HMGN1: variants seen among roughly 807,000 people sequenced by gnomAD.
HMGN1 encodes the protein non-histone chromosomal protein HMG-14.
Under a neutral mutation model 18.4 loss-of-function variants are expected in HMGN1, and 9 were observed. The observed-to-expected ratio is 0.49, with a 90% CI of 0.29 to 0.85. The LOEUF (loss-of-function observed/expected upper bound fraction) is 0.85, where lower values mean the gene tolerates loss of function less well. Among genes scored for constraint, HMGN1 ranks in the 40% least tolerant of loss-of-function variants. The pLI is 0.07. For synonymous variants in HMGN1, 59 were observed against 45.0 expected, an observed-to-expected ratio of 1.31 and a Z score of -1.24; for missense variants, 151 against 119.2, an observed-to-expected ratio of 1.27 and a Z score of -1.24.
At chr21:39,343,510 G>T (rs976937584) in intron 5 of HMGN1, among the ~76,000 whole-genome samples, 5 of 152,172 alleles carry the variant, frequency 3.3e-5, no homozygotes, top group Non-Finnish European at 7.3e-5. Flanking sequence ...TTTTACTGAT[G>T]ATTTTGTTGT....
At position 39,348,657 on chromosome 21, in the gene HMGN1, C is replaced by A. The variant is rs541496333; in HGVS notation, c.16-80G>T. Reference sequence around the variant, plus strand: ...GCCCGCCCGGCCCCGAGAACAATGCCCGGCCGCGTGACGTCACGGCTTCCC... The same window carrying A: ...GCCCGCCCGGCCCCGAGAACAATGCACGGCCGCGTGACGTCACGGCTTCCC... On this transcript the variant is annotated intron_variant, in intron 1 of 5. Transcript: ENST00000380749. 194 of 1,467,616 alleles carry A rather than the reference C, an allele frequency of 1.3e-4. No homozygotes were observed. In the African/African-American group the frequency reaches 2.3e-3, roughly 17 times the overall value. The allele number at this position is 1,467,616 out of a possible 1,614,324, so 90.9% of individuals were successfully genotyped here.
rs1418950934 is a variant in HMGN1 at position 39,345,141 on chromosome 21, C to T, written c.255+5G>A. 3 of 1,295,106 alleles carry T rather than the reference C, an allele frequency of 2.3e-6. No homozygotes were observed. Among genetic ancestry groups the T allele is most frequent in the Non-Finnish European group, 3.1e-6 (3 of 963,320 alleles). The allele number at this position is 1,295,106 out of a possible 1,614,324, so 80.2% of individuals were successfully genotyped here. ...CACACACACACACACACACACACTT[C>T]TGACCTCCTCAGTCTTCGTTTCCCC... On this transcript the variant is annotated splice_donor_5th_base_variant and intron_variant, in intron 5 of 5. Coordinates refer to ENST00000380749, the MANE Select transcript of HMGN1 (RefSeq NM_004965.7).
At position 39,348,455 on chromosome 21, in the gene HMGN1, G is replaced by C. The variant is rs1353546269; in HGVS notation, c.49-4C>G. On this transcript the variant is annotated splice_region_variant and splice_polypyrimidine_tract_variant and intron_variant, in intron 2 of 5. Transcript: ENST00000380749. Reference sequence around the variant, plus strand: ...ACCGCGCCGATCTCCTCTTGGGCTTGGAGAAAGAAAAAGGAGAGTCAGCGA... The same window carrying C: ...ACCGCGCCGATCTCCTCTTGGGCTTCGAGAAAGAAAAAGGAGAGTCAGCGA... 7 of 1,614,024 alleles carry C rather than the reference G, an allele frequency of 4.3e-6. No individual in the cohort carries two copies. The highest frequency in any genetic ancestry group is 5.9e-6 in the Non-Finnish European group (7 of 1,180,026).
At chr21:39,345,520 A>G (rs1312246349) in intron 4 of HMGN1, 1 of 544,696 alleles carries the variant, frequency 1.8e-6, no homozygotes, top group Non-Finnish European at 3.3e-6. Context: ...ACATCAGTTG[A>G]TACACCTATT....
intron 4 of HMGN1, chr21:39,346,592 A>G (rs2776312): frequency 0.4 from 61,091 of 152,304 alleles, 12,566 homozygotes; most frequent in Middle Eastern, 0.46. Context: ...CAAGTTTCCC[A>G]AAGTATAATG....
intron 4 of HMGN1, chr21:39,347,381 T>C: frequency 8.5e-7 from 1 of 1,181,120 alleles, no homozygotes; most frequent in South Asian, 1.4e-5. Flanking sequence ...TTTTATACCT[T>C]TATTTAACAA....
In HMGN1 at chr21:39,347,343, T is replaced by C. The variant is rs561064973; in HGVS notation, c.126+949A>G. On this transcript the variant is annotated intron_variant, in intron 4 of 5. Coordinates refer to ENST00000380749, the MANE Select transcript of HMGN1 (RefSeq NM_004965.7). ...TTTTACACTCAGCTCTGTAAAAAAT[T>C]TAAATTAAAAAAGAAAAAACATCTT... is the stretch of plus-strand genomic sequence containing the variant. 123 of 1,058,502 alleles carry C rather than the reference T, an allele frequency of 1.2e-4. No individual in the cohort carries two copies. The African/African-American group carries it at 2.0e-3, about 17-fold the overall frequency. The allele number at this position is 1,058,502 out of a possible 1,614,324, so 65.6% of individuals were successfully genotyped here. A position where few individuals can be genotyped will look rare whatever the true frequency, so the allele number is the denominator to read the frequency against.
Position 39,345,286 on chromosome 21 carries a change from T to C in HMGN1, c.127-12A>G, listed in dbSNP as rs1382431194. The C allele has an allele frequency of 1.9e-6, 3 of 1,606,814 alleles. No individual in the cohort carries two copies. Among genetic ancestry groups the C allele is most frequent in the Non-Finnish European group, 2.6e-6 (3 of 1,174,370 alleles). On this transcript the variant is annotated splice_polypyrimidine_tract_variant and intron_variant, in intron 4 of 5. Coordinates refer to ENST00000380749, the MANE Select transcript of HMGN1 (RefSeq NM_004965.7). ...TCTGAAGATTTATCCTATGATAGAA[T>C]AAGAATATATTTTAAGTACATGCTT... is the stretch of plus-strand genomic sequence containing the variant.
intron 5 of HMGN1, among the ~76,000 whole-genome samples, chr21:39,343,625 G>A (rs557268372): frequency 4.6e-5 from 7 of 152,306 alleles, no homozygotes; most frequent in East Asian, 1.9e-4. Context: ...GCTTTGTTCA[G>A]GTACAAATTA....
At chr21:39,347,939 GTGCTAT>G in intron 4 of HMGN1, 3 of 1,122,748 alleles carry the variant, frequency 2.7e-6, no homozygotes, top group Non-Finnish European at 3.3e-6. Context: ...CCTGGCCTCG[GTGCTAT>G]CTTGACTCTT....
chr21:39,348,533 G>A lies in HMGN1; in HGVS notation c.48+12C>T, dbSNP rs557182551. ...GGAAACCCACCACCCCCCGCAGAAG[G>A]CCCGCACTCACCTCTTCCTTGGCGG... On this transcript the variant is annotated intron_variant, in intron 2 of 5. Transcript: ENST00000380749. The A allele has an allele frequency of 3.5e-5, 57 of 1,613,202 alleles. 1 individual carries two copies. In the South Asian group the frequency reaches 4.1e-4, roughly 11 times the overall value.
intron 5 of HMGN1, among the ~76,000 whole-genome samples, 193 bp from the exon 6 acceptor site, chr21:39,343,352 C>G (rs113525465): frequency 4.5e-4 from 68 of 152,286 alleles, no homozygotes; most frequent in African/African-American, 1.5e-3. Flanking sequence ...TGGTCATGTG[C>G]ATGCATCTAC....
rs192633877 is a variant in HMGN1, at chr21:39,344,836, A to G, written c.255+310T>C. 9.2e-5 allele frequency among the ~76,000 whole-genome samples: 14 copies of G among 152,364 alleles called. No homozygotes were observed. The East Asian group carries it at 2.7e-3, about 29-fold the overall frequency. On this transcript the variant is annotated intron_variant, in intron 5 of 5. Coordinates refer to ENST00000380749, the MANE Select transcript of HMGN1 (RefSeq NM_004965.7). ...AAAAATGCCAGGAAAAATGCAAGTAAGGGGAATAAATTTTCAAAAATATAT... is the reference window on the plus strand; with the variant it reads ...AAAAATGCCAGGAAAAATGCAAGTAGGGGGAATAAATTTTCAAAAATATAT...
At chr21:39,348,492 A>G in intron 2 of HMGN1, 41 bp from the exon 3 acceptor site, 3 of 1,614,098 alleles carry the variant, frequency 1.9e-6, no homozygotes, top group Non-Finnish European at 2.5e-6. Flanking sequence ...AAGAGAAGGC[A>G]GGCCAGCGGC....
At chr21:39,344,688 G>A (rs1266525493) in intron 5 of HMGN1, 1 of 153,852 alleles carries the variant, frequency 6.5e-6, no homozygotes, top group Non-Finnish European at 1.4e-5. Flanking sequence ...CTGGCTAACA[G>A]ACACTGTCTC....
Position 39,342,515 on chromosome 21 carries a change from T to A in HMGN1, c.*597A>T. The A allele has an allele frequency of 4.9e-6, 1 of 202,620 alleles. No homozygotes were observed. Among genetic ancestry groups the A allele is most frequent in the Non-Finnish European group, 1.0e-5 (1 of 97,368 alleles). The allele number at this position is 202,620 out of a possible 1,614,324, so 12.6% of individuals were successfully genotyped here. A position where few individuals can be genotyped will look rare whatever the true frequency, so the allele number is the denominator to read the frequency against. On this transcript the variant is annotated 3_prime_UTR_variant, in exon 6 of 6. Coordinates refer to ENST00000380749, the MANE Select transcript of HMGN1 (RefSeq NM_004965.7). ...TCAAGTACCAGTATCTTCACGTTGG[T>A]CAGCTGTTACATACGGCCCACCAGT... is the stretch of plus-strand genomic sequence containing the variant.
At chr21:39,343,191 A>AT (rs751685045) in intron 5 of HMGN1, 32 bp from the exon 6 acceptor site, 1 of 1,574,176 alleles carries the variant, frequency 6.4e-7, no homozygotes, top group Non-Finnish European at 8.6e-7. Context: ...GATCTTTAGC[A>AT]TTTAACACGT....
In HMGN1 at chr21:39,345,138, C is replaced by CACACACACACACACACAG; in HGVS notation, c.255+7_255+8insCTGTGTGTGTGTGTGTGT. On this transcript the variant is annotated splice_region_variant and intron_variant, in intron 5 of 5. Coordinates refer to ENST00000380749, the MANE Select transcript of HMGN1 (RefSeq NM_004965.7). ...ACACACACACACACACACACACACA[C>CACACACACACACACACAG]TTCTGACCTCCTCAGTCTTCGTTTC... 1 of 1,568,422 alleles carries CACACACACACACACACAG rather than the reference C, an allele frequency of 6.4e-7. No homozygotes were observed. The highest frequency in any genetic ancestry group is 8.6e-7 in the Non-Finnish European group (1 of 1,156,556).
chr21:39,347,503 G>T, intron 4 of HMGN1: 1 of 1,172,460 alleles, frequency 8.5e-7, no homozygotes, highest in Non-Finnish European at 1.1e-6. Flanking sequence ...AAGAGGTGAA[G>T]GCATTAACAA....
Sources: gnomAD v4.1 joint callset for allele counts (sites outside exome capture counted in the v4.1 genomes callset) on GRCh38, gnomAD v4.1.1 for gene constraint, MANE v1.5 for transcripts, NCBI Gene and HGNC (gene_info 2026-07-23, HGNC 2026-07-21) for gene names.